Variants in GRIK2 observed in about 807,000 individuals in gnomAD.
GRIK2 encodes glutamate ionotropic receptor kainate type subunit 2.
Under a neutral mutation model 100.3 loss-of-function variants are expected in GRIK2, and 32 were observed. The ratio of observed to expected loss-of-function variants is 0.32; its 90% CI spans 0.24 to 0.43. GRIK2 has a LOEUF of 0.43. GRIK2 is among the 20% of genes least tolerant of loss of function. The pLI is 1.00. For missense variants in GRIK2, 843 were observed against 1,114.9 expected (o/e 0.76, Z 3.47); for synonymous variants, 417 against 389.4 (o/e 1.07, Z -0.83).
intron 2 of GRIK2, among the ~76,000 whole-genome samples, chr6:101,518,940 G>C (rs1774729638): frequency 6.6e-6 from 1 of 152,176 alleles, no homozygotes; most frequent in Non-Finnish European, 1.5e-5. Context: ...TACATTTATA[G>C]ATGCATTATT....
intron 10 of GRIK2, among the ~76,000 whole-genome samples, chr6:101,845,730 C>A (rs543725006): frequency 1.3e-5 from 2 of 152,206 alleles, no homozygotes; most frequent in African/African-American, 4.8e-5. Context: ...TTTTGAGGAG[C>A]TGCCAATATT....
intron 14 of GRIK2, among the ~76,000 whole-genome samples, chr6:101,939,706 G>A (rs1431027659): frequency 2.6e-5 from 4 of 151,964 alleles, no homozygotes; most frequent in Admixed American, 1.3e-4. Context: ...AATCAACATC[G>A]TGGGACTTTA....
intron 4 of GRIK2, among the ~76,000 whole-genome samples, chr6:101,673,795 AT>A: frequency 6.6e-6 from 1 of 152,110 alleles, no homozygotes; most frequent in South Asian, 2.1e-4. Flanking sequence ...GCTTAATATC[AT>A]TTTCCCCTGT....
In GRIK2 at chr6:101,804,467, A is replaced by G. The variant is rs762540754; in HGVS notation, c.1203+2029A>G. Among the ~76,000 whole-genome samples, 99 of 152,096 alleles carry G rather than the reference A, an allele frequency of 6.5e-4. 1 individual carries two copies. Among genetic ancestry groups the G allele is most frequent in the South Asian group, 8.3e-4 (4 of 4,826 alleles). On this transcript the variant is annotated intron_variant, in intron 9 of 16. Coordinates refer to ENST00000369134, the MANE Select transcript of GRIK2 (RefSeq NM_021956.5). ...GAGGCCATGAATTTAAAACCATTCT[A>G]ATAGGAAGTGGAGATGAGTAAACAG...
chr6:101,781,593 C>CATAT (rs1562380424), intron 7 of GRIK2, among the ~76,000 whole-genome samples: 4 of 151,960 alleles, frequency 2.6e-5, no homozygotes, highest in African/African-American at 9.7e-5. Flanking sequence ...TATATACATA[C>CATAT]ATACATATAC....
intron 4 of GRIK2, among the ~76,000 whole-genome samples, chr6:101,670,519 G>GTTTA (rs894947840): frequency 1.3e-5 from 2 of 152,060 alleles, no homozygotes; most frequent in African/African-American, 4.8e-5. Context: ...ACTTGGCAGT[G>GTTTA]TTTATCCTTA....
intron 12 of GRIK2, among the ~76,000 whole-genome samples, chr6:101,922,705 T>G (rs1292663452): frequency 6.6e-6 from 1 of 152,170 alleles, no homozygotes; most frequent in East Asian, 1.9e-4. Flanking sequence ...TAATGGCATA[T>G]GGCTGTGAGG....
At chr6:101,700,926 A>C (rs1562320180) in intron 7 of GRIK2, among the ~76,000 whole-genome samples, 1 of 152,160 alleles carries the variant, frequency 6.6e-6, no homozygotes, top group Non-Finnish European at 1.5e-5. Context: ...GAGACAAAAG[A>C]GGCCTTAGAG....
intron 2 of GRIK2, among the ~76,000 whole-genome samples, chr6:101,538,439 AG>A (rs1775825257): frequency 6.6e-6 from 1 of 151,668 alleles, no homozygotes; most frequent in Non-Finnish European, 1.5e-5. Flanking sequence ...AAATAAGTAA[AG>A]TTTTAATTGC....
chr6:101,559,555 A>G (rs1239141421), intron 2 of GRIK2, among the ~76,000 whole-genome samples: 1 of 152,192 alleles, frequency 6.6e-6, no homozygotes, highest in African/African-American at 2.4e-5. Context: ...GTAAGTATCT[A>G]AAAGACAGGG....
chr6:101,534,617 G>A (rs951287594), intron 2 of GRIK2, among the ~76,000 whole-genome samples: 1 of 151,670 alleles, frequency 6.6e-6, no homozygotes, highest in African/African-American at 2.4e-5. Context: ...TAGTTATAAG[G>A]GCTATTTTTA....
intron 14 of GRIK2, among the ~76,000 whole-genome samples, chr6:102,019,421 C>A (rs1198800113): frequency 1.3e-5 from 2 of 152,048 alleles, no homozygotes; most frequent in East Asian, 3.9e-4. Flanking sequence ...TGCAACTGCT[C>A]TTTTGGGAAA....
Position 101,571,038 on chromosome 6 carries a change from A to T in GRIK2, c.116-50911A>T, listed in dbSNP as rs185231598. Among the ~76,000 whole-genome samples the T allele has an allele frequency of 6.1e-3, 868 of 143,344 alleles. 4 individuals carry two copies. Among genetic ancestry groups the T allele is most frequent in the Non-Finnish European group, 9.6e-3 (635 of 66,336 alleles). The allele number at this position is 143,344 out of a possible 152,430, so 94.0% of individuals were successfully genotyped here. On this transcript the variant is annotated intron_variant, in intron 2 of 16. Coordinates refer to ENST00000369134, the MANE Select transcript of GRIK2 (RefSeq NM_021956.5). Reference sequence around the variant, plus strand: ...TGATTTTTCTGTAGAGTTTGATTAAATATTCTAGGCTGCTATGTGCAGTAT... The same window carrying T: ...TGATTTTTCTGTAGAGTTTGATTAATTATTCTAGGCTGCTATGTGCAGTAT...
At chr6:101,611,089 T>C (rs1182206747) in intron 2 of GRIK2, among the ~76,000 whole-genome samples, 1 of 151,780 alleles carries the variant, frequency 6.6e-6, no homozygotes, top group Non-Finnish European at 1.5e-5. Context: ...TAATGGTCCA[T>C]TTATAGAAAG....
At chr6:101,785,404 C>T (rs1321775543) in intron 7 of GRIK2, among the ~76,000 whole-genome samples, 1 of 152,070 alleles carries the variant, frequency 6.6e-6, no homozygotes, top group African/African-American at 2.4e-5. Context: ...GACCAATGTC[C>T]TAGAGTGTTA....
intron 7 of GRIK2, among the ~76,000 whole-genome samples, chr6:101,763,812 A>G (rs557763741): frequency 1.6e-4 from 25 of 152,046 alleles, no homozygotes; most frequent in African/African-American, 6.0e-4. Flanking sequence ...ATTATTTGGA[A>G]AAGAGGCCAT....
chr6:102,004,096 A>G (rs948194588), intron 14 of GRIK2, among the ~76,000 whole-genome samples: 1 of 150,382 alleles, frequency 6.6e-6, no homozygotes, highest in African/African-American at 2.4e-5. Flanking sequence ...AGTATCACCA[A>G]TGTATTTTAT....
chr6:102,024,064 A>T (rs1769568145), intron 14 of GRIK2, among the ~76,000 whole-genome samples: 1 of 150,940 alleles, frequency 6.6e-6, no homozygotes, highest in African/African-American at 2.4e-5. Flanking sequence ...TCATTTTGAA[A>T]GTAAAGTAAA....
chr6:101,412,858 C>T (rs554436910), intron 2 of GRIK2, among the ~76,000 whole-genome samples: 47 of 151,700 alleles, frequency 3.1e-4, no homozygotes, highest in African/African-American at 1.0e-3. Flanking sequence ...AATTGATATA[C>T]GTAAATGTAG....
Sources: gnomAD v4.1 joint callset for allele counts (sites outside exome capture counted in the v4.1 genomes callset) on GRCh38, gnomAD v4.1.1 for gene constraint, MANE v1.5 for transcripts, NCBI Gene and HGNC (gene_info 2026-07-23, HGNC 2026-07-21) for gene names.